The following RHOU variants were observed in gnomAD, a reference collection of about 807,000 sequenced individuals.
The protein encoded by RHOU is ras homolog family member U.
Under a neutral mutation model 12.6 loss-of-function variants are expected in RHOU, and 8 were observed. The ratio of observed to expected loss-of-function variants is 0.64; its 90% CI spans 0.37 to 1.15. The LOEUF is 1.15. Ranked by LOEUF, RHOU falls within the 50% of genes most tolerant of loss-of-function variation. The pLI, the probability that RHOU is intolerant of heterozygous loss-of-function variation, is 0.01. For missense variants in RHOU, 258 were observed against 347.0 expected, an observed-to-expected ratio of 0.74 and a Z score of 2.04; for synonymous variants, 161 against 147.4, an observed-to-expected ratio of 1.09 and a Z score of -0.67.
At chr1:228,723,863 C>T in the RHOU span, among the ~76,000 whole-genome samples, 1 of 152,150 alleles carries the variant, frequency 6.6e-6, no homozygotes, top group Admixed American at 6.5e-5. Flanking sequence ...CTTAGGTTCA[C>T]TAGGCTCCTT....
At chr1:228,701,840 T>C in the RHOU span, among the ~76,000 whole-genome samples, 1 of 151,760 alleles carries the variant, frequency 6.6e-6, no homozygotes, top group Non-Finnish European at 1.5e-5. Flanking sequence ...TCTTTTTTGT[T>C]AGTACACTTT....
At chr1:228,699,373 A>G in the RHOU span, among the ~76,000 whole-genome samples, 3 of 142,492 alleles carry the variant, frequency 2.1e-5, no homozygotes, top group Admixed American at 2.2e-4. Context: ...ACTCAAGCCC[A>G]GGAGGTTGAG....
At chr1:228,676,943 G>A in the RHOU span, among the ~76,000 whole-genome samples, 1 of 152,340 alleles carries the variant, frequency 6.6e-6, no homozygotes, top group Middle Eastern at 3.4e-3. Flanking sequence ...ATGTATGCAT[G>A]CAGGCCACAG....
At chr1:228,719,430 T>C in the RHOU span, among the ~76,000 whole-genome samples, 1 of 152,216 alleles carries the variant, frequency 6.6e-6, no homozygotes, top group Admixed American at 6.5e-5. Context: ...AGGCTCAAAA[T>C]CACACAATTA....
At chr1:228,678,018 GT>G in the RHOU span, among the ~76,000 whole-genome samples, 1 of 152,194 alleles carries the variant, frequency 6.6e-6, no homozygotes, top group Non-Finnish European at 1.5e-5. Context: ...AGGTATTTTA[GT>G]TTTCTGACTC....
At chr1:228,707,105 CATAT>C in the RHOU span, among the ~76,000 whole-genome samples, 1 of 70,840 alleles carries the variant, frequency 1.4e-5, no homozygotes, top group Non-Finnish European at 2.5e-5. Context: ...TATATACATA[CATAT>C]ATATATATAT....
chr1:228,716,717 T>C, the RHOU span, among the ~76,000 whole-genome samples: 1 of 130,228 alleles, frequency 7.7e-6, no homozygotes, highest in Admixed American at 7.5e-5. Flanking sequence ...ATGTATGTTA[T>C]GTGTGTGTGT....
Position 228,735,748 on chromosome 1 carries a change from C to A in RHOU, c.6C>A (p.Pro2=). 1 of 1,206,822 alleles carries A rather than the reference C, an allele frequency of 8.3e-7. No individual in the cohort carries two copies. The highest frequency in any genetic ancestry group is 4.1e-5 in the South Asian group (1 of 24,220). The allele number at this position is 1,206,822 out of a possible 1,614,324, so 74.8% of individuals were successfully genotyped here. M[P]PQQGDPAFPD... ...AAGCCCGCGCTCGCGGATCGATGCC[C>A]CCGCAGCAGGGGGACCCCGCGTTCC... The change falls in exon 1 of 3, where the codon CCC becomes CCA. Residue 2 remains proline, a synonymous_variant. Transcript: ENST00000366691. The surrounding 1 kb of genome is among the most constrained non-coding windows in gnomAD (Gnocchi z 8.1).
chr1:228,655,716 A>G, the RHOU span, among the ~76,000 whole-genome samples: 1 of 152,246 alleles, frequency 6.6e-6, no homozygotes, highest in Non-Finnish European at 1.5e-5. Context: ...AGGGACAATC[A>G]GAATCTAACT....
the RHOU span, among the ~76,000 whole-genome samples, chr1:228,727,021 T>G: frequency 6.6e-6 from 1 of 152,230 alleles, no homozygotes; most frequent in East Asian, 1.9e-4. Flanking sequence ...CACCATACAC[T>G]GTCTTGCATT....
At chr1:228,700,932 C>CA in the RHOU span, among the ~76,000 whole-genome samples, 45 of 151,768 alleles carry the variant, frequency 3.0e-4, no homozygotes, top group Middle Eastern at 6.8e-3. Flanking sequence ...ACAAAAAACA[C>CA]AAAAAAATTA....
chr1:228,674,893 G>A, the RHOU span, among the ~76,000 whole-genome samples: 1 of 151,870 alleles, frequency 6.6e-6, no homozygotes. Flanking sequence ...ACCATGCCCG[G>A]CTAATTTTTT....
chr1:228,667,442 A>G, the RHOU span, among the ~76,000 whole-genome samples: 1 of 152,194 alleles, frequency 6.6e-6, no homozygotes, highest in Non-Finnish European at 1.5e-5. Flanking sequence ...GGAGGGGAAA[A>G]GGTGCAGAGG....
At chr1:228,660,790 A>G in the RHOU span, among the ~76,000 whole-genome samples, 2 of 151,728 alleles carry the variant, frequency 1.3e-5, no homozygotes, top group Non-Finnish European at 2.9e-5. Context: ...AAAATTAGCC[A>G]GGTGTGGTGG....
chr1:228,734,264 T>C (rs991770179), upstream of RHOU, among the ~76,000 whole-genome samples: 8 of 152,172 alleles, frequency 5.3e-5, no homozygotes, highest in Non-Finnish European at 1.2e-4. Flanking sequence ...TGTGAAAGTG[T>C]CCTTTGCAAG....
the RHOU span, among the ~76,000 whole-genome samples, chr1:228,649,222 T>A: frequency 3.9e-5 from 6 of 152,186 alleles, no homozygotes; most frequent in African/African-American, 1.4e-4. Flanking sequence ...GAGTACCTGT[T>A]TACATTCCTC....
At chr1:228,664,449 G>A in the RHOU span, among the ~76,000 whole-genome samples, 2 of 152,116 alleles carry the variant, frequency 1.3e-5, no homozygotes, top group Non-Finnish European at 2.9e-5. Context: ...CATTTTCTCA[G>A]AAACGTATTC....
At chr1:228,668,555 C>T in the RHOU span, among the ~76,000 whole-genome samples, 1 of 152,178 alleles carries the variant, frequency 6.6e-6, no homozygotes, top group African/African-American at 2.4e-5. Flanking sequence ...AACCACCACA[C>T]ACATTTGGCA....
the RHOU span, among the ~76,000 whole-genome samples, chr1:228,716,531 A>G: frequency 6.6e-6 from 1 of 152,090 alleles, no homozygotes; most frequent in Non-Finnish European, 1.5e-5. Context: ...CATTTTACAC[A>G]CATTATAGTT....
Sources: allele counts gnomAD v4.1 joint callset (sites outside exome capture counted in the v4.1 genomes callset), GRCh38; gene constraint gnomAD v4.1.1; non-coding constraint Gnocchi (gnomAD v3.1); transcripts MANE v1.5; gene names NCBI Gene and HGNC (gene_info 2026-07-23, HGNC 2026-07-21).